The following ZNF138 variants were observed in gnomAD, a reference collection of about 807,000 sequenced individuals.
ZNF138 encodes zinc finger protein 138 (clone pHZ-32).
Under a neutral mutation model 33.0 loss-of-function variants are expected in ZNF138, and 33 were observed. The ratio of observed to expected loss-of-function variants is 1.00; its 90% confidence interval spans 0.76 to 1.34. The LOEUF is 1.34. ZNF138 is among the 40% of genes most tolerant of loss of function. ZNF138 has a pLI of 0.00. For synonymous variants in ZNF138, 139 were observed against 120.4 expected (o/e 1.15, Z -1.01); for missense variants, 360 against 370.8 (o/e 0.97, Z 0.24).
the ZNF138 span, among the ~76,000 whole-genome samples, chr7:64,844,521 C>T: frequency 6.6e-6 from 1 of 151,984 alleles, no homozygotes; most frequent in Non-Finnish European, 1.5e-5. Flanking sequence ...GCACTGTCTA[C>T]AACCTCTCTT....
chr7:64,857,852 T>C, the ZNF138 span, among the ~76,000 whole-genome samples: 1 of 152,206 alleles, frequency 6.6e-6, no homozygotes, highest in Admixed American at 6.5e-5. Flanking sequence ...TTCCCACTGA[T>C]ATAAAGTGGA....
chr7:64,831,152 A>C, intron 3 of ZNF138: 1 of 1,508,794 alleles, frequency 6.6e-7, no homozygotes, highest in Non-Finnish European at 8.9e-7. Context: ...GCACTATGTT[A>C]TATCGGGGAA....
chr7:64,855,461 G>C, the ZNF138 span, among the ~76,000 whole-genome samples: 2 of 1,068 alleles, frequency 1.9e-3, 1 homozygote, highest in Admixed American at 0.17. Context: ...GTGCAAAAAT[G>C]TAAGGGGGCC....
At chr7:64,839,430 C>A in the ZNF138 span, among the ~76,000 whole-genome samples, 1 of 152,138 alleles carries the variant, frequency 6.6e-6, no homozygotes, top group African/African-American at 2.4e-5. Context: ...CCTGGAGCCT[C>A]GGATCGGCTA....
chr7:64,825,085 T>C (rs918889469), intron 3 of ZNF138, among the ~76,000 whole-genome samples: 9 of 147,760 alleles, frequency 6.1e-5, no homozygotes, highest in Admixed American at 1.4e-4. Flanking sequence ...CCCAAAGTGC[T>C]GGAATTTCAA....
the ZNF138 span, among the ~76,000 whole-genome samples, chr7:64,859,259 T>C: frequency 1.3e-5 from 2 of 152,170 alleles, no homozygotes; most frequent in Non-Finnish European, 2.9e-5. Context: ...TCAGATATGT[T>C]CCATTGCAGA....
chr7:64,805,962 CT>C (rs1476810871), intron 1 of ZNF138, among the ~76,000 whole-genome samples: 1 of 152,210 alleles, frequency 6.6e-6, no homozygotes, highest in African/African-American at 2.4e-5. Flanking sequence ...ATCTTTCTGT[CT>C]TTGCAATCTC....
At chr7:64,860,392 C>T in the ZNF138 span, among the ~76,000 whole-genome samples, 2 of 152,072 alleles carry the variant, frequency 1.3e-5, no homozygotes, top group African/African-American at 4.8e-5. Context: ...CTAAGTGAAA[C>T]GTGGTACACT....
intron 1 of ZNF138, among the ~76,000 whole-genome samples, chr7:64,804,698 A>T (rs1333395407): frequency 6.6e-6 from 1 of 152,170 alleles, no homozygotes; most frequent in African/African-American, 2.4e-5. Context: ...CAAGAATCAC[A>T]TGAACTCAGG....
chr7:64,841,353 T>A, the ZNF138 span, among the ~76,000 whole-genome samples: 1 of 152,222 alleles, frequency 6.6e-6, no homozygotes, highest in Non-Finnish European at 1.5e-5. Flanking sequence ...ATTGAGGCAA[T>A]TTGTTCAGAT....
intron 3 of ZNF138, among the ~76,000 whole-genome samples, chr7:64,822,495 C>T (rs1019063857): frequency 6.6e-6 from 1 of 151,374 alleles, no homozygotes; most frequent in Non-Finnish European, 1.5e-5. Flanking sequence ...AATGATCCAA[C>T]TTAATTTATC....
rs560147343 is a variant in ZNF138, at chr7:64,832,752, A to G, written c.*550A>G. ...CATTCATACTGGAGAGAAACCTTAC[A>G]AATGTGAGGAATGTGGCAAAGGTTT... On this transcript the variant is annotated 3_prime_UTR_variant, in exon 4 of 4. Coordinates refer to ENST00000307355, the MANE Select transcript of ZNF138 (RefSeq NM_001271639.2). 9 of 454,468 alleles carry G rather than the reference A, an allele frequency of 2.0e-5. No homozygotes were observed. The highest frequency in any genetic ancestry group is 1.5e-4 in the South Asian group (9 of 58,326). The allele number at this position is 454,468 out of a possible 1,614,324, so 28.2% of individuals were successfully genotyped here. A position where few individuals can be genotyped will look rare whatever the true frequency, so the allele number is the denominator to read the frequency against.
At chr7:64,814,847 G>A (rs770054177) in intron 1 of ZNF138, 71 bp from the exon 2 acceptor site, 1 of 1,590,636 alleles carries the variant, frequency 6.3e-7, no homozygotes, top group Non-Finnish European at 8.6e-7. Flanking sequence ...TTTACCTTGA[G>A]TCAAATTTAA....
At chr7:64,848,703 G>GGTT in the ZNF138 span, among the ~76,000 whole-genome samples, 1 of 34,260 alleles carries the variant, frequency 2.9e-5, no homozygotes, top group African/African-American at 6.6e-5. Context: ...GATTTTGGTG[G>GGTT]ATTTTTTTTT....
intron 3 of ZNF138, among the ~76,000 whole-genome samples, chr7:64,826,991 C>T (rs1421414975): frequency 3.3e-5 from 5 of 151,920 alleles, no homozygotes; most frequent in Non-Finnish European, 7.4e-5. Flanking sequence ...GGGTTTTATG[C>T]ACCATCATTA....
At chr7:64,814,399 A>G (rs1165366307) in intron 1 of ZNF138, among the ~76,000 whole-genome samples, 3 of 152,210 alleles carry the variant, frequency 2.0e-5, no homozygotes, top group Non-Finnish European at 4.4e-5. Flanking sequence ...TACCATGTGT[A>G]TGCTGATTCT....
chr7:64,795,550 TTTAA>T (rs1462315858), intron 1 of ZNF138, among the ~76,000 whole-genome samples: 5 of 152,220 alleles, frequency 3.3e-5, no homozygotes, highest in African/African-American at 1.2e-4. Flanking sequence ...AATACTGTAT[TTTAA>T]TTAATCATTT....
chr7:64,794,660 C>T, intron 1 of ZNF138, 89 bp downstream of exon 1: 1 of 1,587,324 alleles, frequency 6.3e-7, no homozygotes, highest in African/African-American at 1.3e-5. Context: ...TCGGGTCTTC[C>T]CGCAGTCGGC....
rs542136997 is a variant in ZNF138, at chr7:64,802,025, C to T, written c.3+7454C>T. The stretch of plus-strand genomic sequence containing the variant: ...GCCTGTGACACAGCCCTCGGGAGGT[C>T]CTGTGATCAGGCCAAGGTGGTCGGG... On this transcript the variant is annotated intron_variant, in intron 1 of 3. Coordinates refer to ENST00000307355, the MANE Select transcript of ZNF138 (RefSeq NM_001271639.2). Among the ~76,000 whole-genome samples the T allele has an allele frequency of 6.6e-5, 10 of 152,238 alleles. No individual in the cohort carries two copies. In the East Asian group the frequency reaches 1.5e-3, roughly 24 times the overall value.
Sources: allele counts gnomAD v4.1 joint callset (sites outside exome capture counted in the v4.1 genomes callset), GRCh38; gene constraint gnomAD v4.1.1; transcripts MANE v1.5; gene names NCBI Gene and HGNC (gene_info 2026-07-23, HGNC 2026-07-21).